Variants in RGS7 observed in about 807,000 individuals in gnomAD.
RGS7 encodes regulator of G-protein signaling 7.
In RGS7, 27 loss-of-function variants were observed where a neutral mutation model predicts 81.1. That is an observed-to-expected ratio of 0.33 (90% CI 0.25 to 0.46). RGS7 has a LOEUF of 0.46. RGS7 is among the 20% of genes least tolerant of loss of function. RGS7 has a pLI of 1.00. For missense variants in RGS7, 396 were observed against 607.4 expected (o/e 0.65, Z 3.66); for synonymous variants, 208 against 207.7 (o/e 1.00, Z -0.01).
intron 2 of RGS7, among the ~76,000 whole-genome samples, chr1:241,225,114 G>A (rs886462773): frequency 1.3e-5 from 2 of 152,002 alleles, no homozygotes; most frequent in Admixed American, 1.3e-4. Context: ...AGTGGACATT[G>A]TATCCGTTAA....
At chr1:241,325,841 T>A (rs1482121990) in intron 2 of RGS7, among the ~76,000 whole-genome samples, 1 of 152,142 alleles carries the variant, frequency 6.6e-6, no homozygotes, top group African/African-American at 2.4e-5. Context: ...GAATAAAATA[T>A]CTGTAAGTCT....
intron 4 of RGS7, among the ~76,000 whole-genome samples, chr1:240,938,126 G>C (rs1330782715): frequency 6.6e-6 from 1 of 152,102 alleles, no homozygotes; most frequent in Admixed American, 6.5e-5. Context: ...TATCCTCAGG[G>C]GATTGGTTTG....
intron 3 of RGS7, among the ~76,000 whole-genome samples, chr1:241,016,896 T>C (rs1224709691): frequency 6.6e-6 from 1 of 152,186 alleles, no homozygotes; most frequent in Non-Finnish European, 1.5e-5. Flanking sequence ...GCATTTGTTG[T>C]GCATTTTCCT....
intron 10 of RGS7, among the ~76,000 whole-genome samples, chr1:240,823,604 G>A (rs1055390179): frequency 1.3e-5 from 2 of 152,190 alleles, no homozygotes; most frequent in Admixed American, 6.5e-5. Flanking sequence ...AAGACGACAC[G>A]CCGCGGTGGG....
chr1:241,183,033 C>T (rs187779519), intron 2 of RGS7, among the ~76,000 whole-genome samples: 223 of 151,840 alleles, frequency 1.5e-3, no homozygotes, highest in Non-Finnish European at 2.5e-3. Flanking sequence ...TGGTAATCCT[C>T]TGGGTCCTGC....
At chr1:240,933,040 G>A (rs1287616194) in intron 5 of RGS7, among the ~76,000 whole-genome samples, 4 of 147,682 alleles carry the variant, frequency 2.7e-5, no homozygotes, top group Admixed American at 6.8e-5. Context: ...CCCGCACCAC[G>A]CCCGGCTAAT....
chr1:241,027,492 GA>G (rs2059851707), intron 3 of RGS7, among the ~76,000 whole-genome samples: 5 of 152,148 alleles, frequency 3.3e-5, no homozygotes, highest in Admixed American at 3.3e-4. Flanking sequence ...TGAGGAAGAA[GA>G]ATGAAAGCCA....
At chr1:241,134,779 T>C (rs2103055985) in intron 2 of RGS7, among the ~76,000 whole-genome samples, 1 of 152,252 alleles carries the variant, frequency 6.6e-6, no homozygotes, top group South Asian at 2.1e-4. Flanking sequence ...AGTTCCTCAC[T>C]GAAAGATTGT....
chr1:241,111,654 C>A (rs1424419815), intron 2 of RGS7, among the ~76,000 whole-genome samples: 4 of 152,088 alleles, frequency 2.6e-5, no homozygotes, highest in African/African-American at 9.7e-5. Flanking sequence ...TAAAAACAAT[C>A]CAGTCTATTG....
chr1:241,315,986 T>C (rs1380417390), intron 2 of RGS7, among the ~76,000 whole-genome samples: 4 of 152,236 alleles, frequency 2.6e-5, no homozygotes, highest in East Asian at 1.9e-4. Context: ...TTTGTTGATA[T>C]ACTGAATCAC....
intron 11 of RGS7, 54 bp downstream of exon 11, chr1:240,816,263 T>G: frequency 8.8e-7 from 1 of 1,138,348 alleles, no homozygotes; most frequent in Non-Finnish European, 1.3e-6. Context: ...CCCTCTGGTT[T>G]TCATAGCTGT....
rs74149556 is a variant in RGS7 at position 240,949,064 on chromosome 1, T to A, written c.227-12358A>T. On this transcript the variant is annotated intron_variant, in intron 4 of 18. Coordinates refer to ENST00000440928, the MANE Select transcript of RGS7 (RefSeq NM_001364886.1). ...ACAGTATGAGTGAAAGAAAAGACAT[T>A]TCAAGTTGACAGGGAAGGTTTCACA... Among the ~76,000 whole-genome samples, 521 of 152,192 alleles carry A rather than the reference T, an allele frequency of 3.4e-3. 3 individuals are homozygous for A. Among genetic ancestry groups the A allele is most frequent in the African/African-American group, 0.012 (501 of 41,558 alleles).
At chr1:240,806,389 A>G in intron 14 of RGS7, 63 bp from the exon 15 acceptor site, 1 of 1,509,480 alleles carries the variant, frequency 6.6e-7, no homozygotes, top group Non-Finnish European at 9.2e-7. Context: ...TTCTTGTGAC[A>G]TTTACGGATC....
chr1:241,126,300 C>A (rs1014834286), intron 2 of RGS7, among the ~76,000 whole-genome samples: 1 of 152,094 alleles, frequency 6.6e-6, no homozygotes, highest in African/African-American at 2.4e-5. Context: ...CAGGCATGCG[C>A]AACCACACCC....
chr1:241,138,922 A>G (rs1185721536), intron 2 of RGS7, among the ~76,000 whole-genome samples: 3 of 152,162 alleles, frequency 2.0e-5, no homozygotes, highest in Non-Finnish European at 4.4e-5. Context: ...TCTGTAATAC[A>G]TGATACAAAA....
chr1:241,231,706 T>G (rs2075670752), intron 2 of RGS7, among the ~76,000 whole-genome samples: 1 of 152,210 alleles, frequency 6.6e-6, no homozygotes, highest in South Asian at 2.1e-4. Context: ...AGTTGTAAGA[T>G]CCCTCTGTGC....
At chr1:240,851,349 T>A (rs189570089) in intron 9 of RGS7, among the ~76,000 whole-genome samples, 4 of 152,318 alleles carry the variant, frequency 2.6e-5, no homozygotes, top group African/African-American at 9.6e-5. Context: ...CGTCATTTAC[T>A]GAATATTTAA....
Position 241,163,169 on chromosome 1 carries a change from G to A in RGS7, c.79-64407C>T, listed in dbSNP as rs889949451. Among the ~76,000 whole-genome samples the A allele has an allele frequency of 6.6e-6, 1 of 152,130 alleles. No individual in the cohort carries two copies. The highest frequency in any genetic ancestry group is 1.5e-5 in the Non-Finnish European group (1 of 68,026). ...GGTCAGAAAGGGGGTTCATTCGAGG[G>A]AGCCAGGAAACGGGGCCTGAAGCAA... On this transcript the variant is annotated intron_variant, in intron 2 of 18. Coordinates refer to ENST00000440928, the MANE Select transcript of RGS7 (RefSeq NM_001364886.1). This position sits in a 1 kb window ranked among gnomAD's most constrained non-coding sequence, Gnocchi z 4.6.
chr1:241,063,749 T>C (rs892207233), intron 3 of RGS7, among the ~76,000 whole-genome samples: 9 of 140,994 alleles, frequency 6.4e-5, no homozygotes, highest in African/African-American at 2.8e-4. Flanking sequence ...ACTGCTCTGT[T>C]TTTTTTTTAT....
Sources: allele counts gnomAD v4.1 joint callset (sites outside exome capture counted in the v4.1 genomes callset), GRCh38; gene constraint gnomAD v4.1.1; non-coding constraint Gnocchi (gnomAD v3.1); transcripts MANE v1.5; gene names NCBI Gene and HGNC (gene_info 2026-07-23, HGNC 2026-07-21).